RNF130: variants seen among roughly 807,000 people sequenced by gnomAD.
The protein encoded by RNF130 is E3 ubiquitin-protein ligase RNF130.
In RNF130, 21 loss-of-function variants were observed where a neutral mutation model predicts 44.6. The ratio of observed to expected loss-of-function variants is 0.47; its 90% CI spans 0.33 to 0.68. The LOEUF (loss-of-function observed/expected upper bound fraction) is 0.68, where lower values mean the gene tolerates loss of function less well. Ranked by LOEUF, RNF130 falls within the 30% of genes least tolerant of loss-of-function variation. The pLI, the probability that RNF130 is intolerant of heterozygous loss-of-function variation, is 0.02. For missense variants in RNF130, 479 were observed against 560.6 expected (o/e 0.85, Z 1.47); for synonymous variants, 214 against 210.4 (o/e 1.02, Z -0.15).
At chr5:179,985,837 C>G (rs1461009821) in intron 3 of RNF130, among the ~76,000 whole-genome samples, 1 of 152,156 alleles carries the variant, frequency 6.6e-6, no homozygotes, top group Non-Finnish European at 1.5e-5. Flanking sequence ...CACTTTCCCC[C>G]CAAATAGGGC....
intron 2 of RNF130, chr5:180,015,265 C>G (rs776465217): frequency 1.3e-5 from 6 of 476,920 alleles, no homozygotes; most frequent in Non-Finnish European, 2.7e-5. Flanking sequence ...CTTTAGAAAT[C>G]TCTTAAAATG....
At chr5:180,034,387 A>G (rs528085797) in intron 2 of RNF130, among the ~76,000 whole-genome samples, 1 of 152,368 alleles carries the variant, frequency 6.6e-6, no homozygotes, top group South Asian at 2.1e-4. Flanking sequence ...CCAGCTCCAC[A>G]GAATAAGTTG....
At position 180,071,590 on chromosome 5, in the gene RNF130, A is replaced by G. The variant is rs201097064; in HGVS notation, c.113T>C (p.Leu38Pro). Residue 38 changes from leucine to proline, a missense_variant, in exon 1 of 9, where the codon CTC becomes CCC. Coordinates refer to ENST00000521389, the MANE Select transcript of RNF130 (RefSeq NM_018434.6). ...DNASQEYYTA[L>P]INVTVQEPGR... The stretch of plus-strand genomic sequence containing the variant: ...GGGCTCCTGCACCGTCACGTTGATG[A>G]GCGCCGTGTAGTACTCCTGGCTCGC... 6.7e-7 allele frequency: 1 copy of G among 1,495,816 alleles called. No homozygotes were observed. The allele number at this position is 1,495,816 out of a possible 1,614,324, so 92.7% of individuals were successfully genotyped here. A position where few individuals can be genotyped will look rare whatever the true frequency, so the allele number is the denominator to read the frequency against.
chr5:180,070,473 T>G (rs1765225567), intron 1 of RNF130, among the ~76,000 whole-genome samples: 1 of 152,296 alleles, frequency 6.6e-6, no homozygotes, highest in East Asian at 1.9e-4. Flanking sequence ...GCATAATATG[T>G]TAGTATCTTA....
chr5:180,044,810 C>A (rs112297602), intron 1 of RNF130, among the ~76,000 whole-genome samples: 16 of 151,192 alleles, frequency 1.1e-4, no homozygotes, highest in Admixed American at 1.3e-4. Context: ...CCAGCCTGGG[C>A]GACGGAAGTA....
At chr5:179,964,416 C>A (rs1762399764) in intron 7 of RNF130, 1 of 152,170 alleles carries the variant, frequency 6.6e-6, no homozygotes, top group Middle Eastern at 3.2e-3. Context: ...ACCTAAGAAC[C>A]AATCTGACTT....
chr5:179,939,694 C>T (rs963855950), intron 7 of RNF130: 2 of 440,966 alleles, frequency 4.5e-6, no homozygotes, highest in African/African-American at 2.1e-5. Flanking sequence ...AAATCTTCAT[C>T]AAAAGAAGAA....
intron 4 of RNF130, 61 bp from the exon 5 acceptor site, chr5:179,978,346 G>A (rs1762763232): frequency 7.4e-6 from 8 of 1,075,076 alleles, no homozygotes; most frequent in African/African-American, 3.1e-5. Flanking sequence ...TGGTTGGGAT[G>A]CAATTCAGCT....
rs183415423 is a variant in RNF130 at position 180,057,886 on chromosome 5, G to A, written c.247+13570C>T. On this transcript the variant is annotated intron_variant, in intron 1 of 8. Coordinates refer to ENST00000521389, the MANE Select transcript of RNF130 (RefSeq NM_018434.6). ...TAGCCAAGTCAAGACAGATGTGTGGGTACCCTTTGTCCCACTACCTACAAC... is the reference window on the plus strand; with the variant it reads ...TAGCCAAGTCAAGACAGATGTGTGGATACCCTTTGTCCCACTACCTACAAC... 9.2e-5 allele frequency among the ~76,000 whole-genome samples: 14 copies of A among 152,296 alleles called. No homozygotes were observed. In the East Asian group the frequency reaches 1.2e-3, roughly 13 times the overall value.
downstream of RNF130, among the ~76,000 whole-genome samples, chr5:179,951,251 T>C (rs1057091271): frequency 6.6e-6 from 1 of 152,130 alleles, no homozygotes; most frequent in Admixed American, 6.5e-5. Flanking sequence ...TCAACAATAC[T>C]AGAGATAACA....
At chr5:179,987,042 T>G (rs1762968976) in intron 3 of RNF130, among the ~76,000 whole-genome samples, 1 of 152,198 alleles carries the variant, frequency 6.6e-6, no homozygotes, top group Non-Finnish European at 1.5e-5. Flanking sequence ...GTTTATGAGT[T>G]TTTGGTGAAC....
At chr5:180,026,760 C>T (rs972068135) in intron 2 of RNF130, among the ~76,000 whole-genome samples, 7 of 152,082 alleles carry the variant, frequency 4.6e-5, no homozygotes, top group African/African-American at 1.7e-4. Flanking sequence ...GCTTAACAAC[C>T]AAACTAAATA....
At chr5:179,930,449 A>C (rs1761793796) in intron 7 of RNF130, among the ~76,000 whole-genome samples, 1 of 152,224 alleles carries the variant, frequency 6.6e-6, no homozygotes, top group South Asian at 2.1e-4. Flanking sequence ...GATTTGTAGA[A>C]TATATTGAAT....
At chr5:179,942,768 T>C (rs1761982953) in intron 7 of RNF130, among the ~76,000 whole-genome samples, 1 of 152,256 alleles carries the variant, frequency 6.6e-6, no homozygotes, top group African/African-American at 2.4e-5. Context: ...TGATGTTTTC[T>C]TCAGAGATGC....
chr5:179,927,914 T>C (rs1224296713), intron 7 of RNF130, among the ~76,000 whole-genome samples: 36 of 152,150 alleles, frequency 2.4e-4, no homozygotes, highest in Non-Finnish European at 1.2e-4. Flanking sequence ...TTTAATTTTA[T>C]ATAAATGGAA....
intron 2 of RNF130, among the ~76,000 whole-genome samples, chr5:180,014,577 C>T (rs1763670857): frequency 6.6e-6 from 1 of 152,198 alleles, no homozygotes; most frequent in Non-Finnish European, 1.5e-5. Flanking sequence ...TTCAATCCTT[C>T]TTCAATGAAT....
At position 180,002,159 on chromosome 5, in the gene RNF130, C is replaced by T. The variant is rs116505639; in HGVS notation, c.693+10902G>A. On this transcript the variant is annotated intron_variant, in intron 3 of 8. Coordinates refer to ENST00000521389, the MANE Select transcript of RNF130 (RefSeq NM_018434.6). ...GGCCAATGCACCACTTCCTGGGAGG[C>T]GTGGCGCTGCTTCAACTGAGACACT... Among the ~76,000 whole-genome samples the T allele has an allele frequency of 2.8e-3, 421 of 152,306 alleles. 1 individual carries two copies. The highest frequency in any genetic ancestry group is 6.9e-3 in the African/African-American group (285 of 41,574).
At chr5:179,982,452 A>G (rs1187205363) in intron 3 of RNF130, among the ~76,000 whole-genome samples, 5 of 152,154 alleles carry the variant, frequency 3.3e-5, no homozygotes, top group Admixed American at 3.3e-4. Context: ...CTTTTATTTA[A>G]GAGACTGCCA....
At chr5:180,009,421 G>T (rs759536466) in intron 3 of RNF130, among the ~76,000 whole-genome samples, 5 of 152,160 alleles carry the variant, frequency 3.3e-5, no homozygotes, top group Admixed American at 6.5e-5. Flanking sequence ...AATCTAGGTA[G>T]AAAATGGGCA....
Sources: allele counts gnomAD v4.1 joint callset (sites outside exome capture counted in the v4.1 genomes callset), GRCh38; gene constraint gnomAD v4.1.1; transcripts MANE v1.5; gene names NCBI Gene and HGNC (gene_info 2026-07-23, HGNC 2026-07-21).